The following PDSS2 variants were observed in gnomAD, a reference collection of about 807,000 sequenced individuals.
PDSS2 encodes the protein all trans-polyprenyl-diphosphate synthase PDSS2.
PDSS2 carries 31 observed loss-of-function variants against 44.5 expected under a neutral mutation model. That is an observed-to-expected ratio of 0.70 (90% CI 0.52 to 0.94). PDSS2 has a LOEUF of 0.94. Ranked by LOEUF, PDSS2 falls within the 40% of genes least tolerant of loss-of-function variation. PDSS2 has a pLI of 0.00. For synonymous variants in PDSS2, 157 were observed against 180.3 expected (o/e 0.87, Z 1.03); for missense variants, 452 against 482.2 (o/e 0.94, Z 0.59).
chr6:107,273,951 C>T lies in PDSS2; in HGVS notation c.630+78G>A. 2.7e-6 allele frequency: 3 copies of T among 1,110,392 alleles called. No individual in the cohort carries two copies. In the East Asian group the frequency reaches 7.0e-5, roughly 26 times the overall value. The allele number at this position is 1,110,392 out of a possible 1,614,324, so 68.8% of individuals were successfully genotyped here. ...TGAGGGGAGTTGGGGCAGCCGGGCA[C>T]ACAGACCTGCAGCTCCAGCAGCCAA... On this transcript the variant is annotated intron_variant, in intron 3 of 7. Transcript: ENST00000369037.
intron 6 of PDSS2, among the ~76,000 whole-genome samples, chr6:107,201,170 T>A (rs1164423605): frequency 2.0e-5 from 3 of 152,128 alleles, no homozygotes; most frequent in African/African-American, 7.2e-5. Flanking sequence ...TTCACTCATC[T>A]TTTTGCCTCC....
chr6:107,336,679 C>T (rs1250350995), intron 1 of PDSS2, among the ~76,000 whole-genome samples: 2 of 150,960 alleles, frequency 1.3e-5, no homozygotes. Context: ...TTTTTTTTTG[C>T]TTTGAATTAC....
chr6:107,317,140 T>C (rs1045649178), intron 2 of PDSS2, among the ~76,000 whole-genome samples: 1 of 152,138 alleles, frequency 6.6e-6, no homozygotes, highest in Non-Finnish European at 1.5e-5. Context: ...GGCCAACCTC[T>C]CCTCCACGGC....
chr6:107,321,828 A>G (rs1264854960), intron 2 of PDSS2, among the ~76,000 whole-genome samples: 1 of 152,240 alleles, frequency 6.6e-6, no homozygotes, highest in African/African-American at 2.4e-5. Context: ...AACTGAACAT[A>G]ACCAATCAGA....
chr6:107,309,389 C>A (rs889806805), intron 2 of PDSS2, among the ~76,000 whole-genome samples: 2 of 152,128 alleles, frequency 1.3e-5, no homozygotes, highest in South Asian at 4.1e-4. Flanking sequence ...AGAATGAAGT[C>A]AAGATTTCTA....
At chr6:107,207,978 G>GTTTTTTTTTTGT (rs1562375444) in intron 6 of PDSS2, among the ~76,000 whole-genome samples, 3 of 67,556 alleles carry the variant, frequency 4.4e-5, no homozygotes, top group African/African-American at 1.1e-4. Context: ...TCTATGACTT[G>GTTTTTTTTTTGT]TTTTTTTTTT....
At chr6:107,278,484 C>A (rs1410191891) in intron 2 of PDSS2, among the ~76,000 whole-genome samples, 1 of 152,130 alleles carries the variant, frequency 6.6e-6, no homozygotes, top group Non-Finnish European at 1.5e-5. Flanking sequence ...AAAAAGTCCG[C>A]ATTATCACAT....
chr6:107,201,577 AAAG>A (rs1037666164), intron 6 of PDSS2, among the ~76,000 whole-genome samples: 2 of 152,184 alleles, frequency 1.3e-5, no homozygotes, highest in African/African-American at 4.8e-5. Flanking sequence ...GTCAGGTAAC[AAAG>A]AAGGATTGGA....
chr6:107,407,859 A>C (rs113812468), intron 1 of PDSS2, among the ~76,000 whole-genome samples: 2,776 of 151,224 alleles, frequency 0.018, 74 homozygotes, highest in East Asian at 0.12. Flanking sequence ...GCCACCATGC[A>C]TGGCTAATTT....
chr6:107,388,323 G>A (rs1010892126), intron 1 of PDSS2, among the ~76,000 whole-genome samples: 14 of 152,130 alleles, frequency 9.2e-5, no homozygotes, highest in Non-Finnish European at 1.9e-4. Context: ...TAGCCACTTC[G>A]GAAGACAGTT....
At chr6:107,355,468 TTAGA>T (rs555446294) in intron 1 of PDSS2, among the ~76,000 whole-genome samples, 21 of 152,358 alleles carry the variant, frequency 1.4e-4, no homozygotes, top group Non-Finnish European at 2.5e-4. Context: ...ATTATGTATC[TTAGA>T]TAAACTACTG....
intron 1 of PDSS2, among the ~76,000 whole-genome samples, chr6:107,381,366 T>C (rs1345350864): frequency 2.0e-5 from 3 of 152,226 alleles, no homozygotes; most frequent in African/African-American, 7.2e-5. Context: ...TCACTAACAA[T>C]AGAATTTCTT....
chr6:107,283,858 C>T (rs989830913), intron 2 of PDSS2, among the ~76,000 whole-genome samples: 1 of 151,520 alleles, frequency 6.6e-6, no homozygotes, highest in African/African-American at 2.4e-5. Flanking sequence ...CAGGGAGAAA[C>T]TCCATCTCTA....
At chr6:107,227,570 G>A (rs1356308425) in intron 4 of PDSS2, among the ~76,000 whole-genome samples, 1 of 152,156 alleles carries the variant, frequency 6.6e-6, no homozygotes, top group East Asian at 1.9e-4. Flanking sequence ...ACAGGCTTGA[G>A]CCACTGCATC....
chr6:107,303,678 T>C (rs539907599), intron 2 of PDSS2, among the ~76,000 whole-genome samples: 2 of 152,326 alleles, frequency 1.3e-5, no homozygotes, highest in South Asian at 4.1e-4. Context: ...TGGTTATTTA[T>C]TTATAGTATG....
chr6:107,387,771 G>C (rs895914192), intron 1 of PDSS2, among the ~76,000 whole-genome samples: 2 of 152,190 alleles, frequency 1.3e-5, no homozygotes, highest in Non-Finnish European at 2.9e-5. Flanking sequence ...AACTGTATTA[G>C]AAGTTGCAAT....
chr6:107,403,075 C>A (rs770851270), intron 1 of PDSS2, among the ~76,000 whole-genome samples: 1 of 152,166 alleles, frequency 6.6e-6, no homozygotes, highest in Non-Finnish European at 1.5e-5. Flanking sequence ...AAGTCCCTTC[C>A]GCCTAGGAGC....
At chr6:107,156,484 A>G (rs73763736) in intron 7 of PDSS2, among the ~76,000 whole-genome samples, 2,539 of 152,196 alleles carry the variant, frequency 0.017, 73 homozygotes, top group African/African-American at 0.058. Flanking sequence ...GTGAGCCACC[A>G]TGCCTGGCCA....
chr6:107,437,164 A>G (rs935513343), intron 1 of PDSS2, among the ~76,000 whole-genome samples: 2 of 152,080 alleles, frequency 1.3e-5, no homozygotes, highest in African/African-American at 4.8e-5. Context: ...CGCACTGGTA[A>G]TTCTTTGAAA....
Sources: allele counts gnomAD v4.1 joint callset (sites outside exome capture counted in the v4.1 genomes callset), GRCh38; gene constraint gnomAD v4.1.1; transcripts MANE v1.5; gene names NCBI Gene and HGNC (gene_info 2026-07-23, HGNC 2026-07-21).